CORO7: variants seen among roughly 807,000 people sequenced by gnomAD.
The protein encoded by CORO7 is coronin 7.
CORO7 carries 107 observed loss-of-function variants against 126.6 expected under a neutral mutation model. That is an observed-to-expected ratio of 0.85 (90% CI 0.72 to 0.99). The LOEUF is 0.99. Among genes scored for constraint, CORO7 ranks in the 50% least tolerant of loss-of-function variants. The pLI is 0.00. For synonymous variants in CORO7, 603 were observed against 536.8 expected, an observed-to-expected ratio of 1.12 and a Z score of -1.70; for missense variants, 1,314 against 1,255.8, an observed-to-expected ratio of 1.05 and a Z score of -0.70.
rs1056708731 is a variant in CORO7, at chr16:4,384,192, C to G, written c.785+3794G>C. 2.0e-5 allele frequency among the ~76,000 whole-genome samples: 3 copies of G among 152,202 alleles called. No individual in the cohort carries two copies. In the South Asian group the frequency reaches 6.2e-4, roughly 32 times the overall value. On this transcript the variant is annotated intron_variant, in intron 9 of 27. Coordinates refer to ENST00000251166, the MANE Select transcript of CORO7 (RefSeq NM_024535.5). ...AAGCTGGGGGACAGGAACAAAGGGC[C>G]CAGGTTGGCTTGCAGACGGTGCCAG...
chr16:4,393,412 C>T (rs1288608693), intron 7 of CORO7, among the ~76,000 whole-genome samples: 2 of 152,248 alleles, frequency 1.3e-5, no homozygotes, highest in South Asian at 4.1e-4. Context: ...GTCAGCCAGC[C>T]TCACCAGCAA....
At chr16:4,404,804 C>A (rs1206977456) in intron 6 of CORO7, among the ~76,000 whole-genome samples, 1 of 152,122 alleles carries the variant, frequency 6.6e-6, no homozygotes, top group Non-Finnish European at 1.5e-5. Flanking sequence ...GGCTGCCACG[C>A]ATCCCCCTGT....
At chr16:4,388,668 C>A in intron 7 of CORO7, 37 bp from the exon 8 acceptor site, 1 of 1,592,274 alleles carries the variant, frequency 6.3e-7, no homozygotes, top group Middle Eastern at 1.7e-4. Context: ...GCCCCCAGGG[C>A]CCTGCTGGTG....
intron 27 of CORO7, 39 bp from the exon 28 acceptor site, chr16:4,355,202 G>C: frequency 1.3e-6 from 2 of 1,577,748 alleles, no homozygotes; most frequent in South Asian, 2.3e-5. Flanking sequence ...GAGTCAGGAG[G>C]GCCTGGGAAG....
At chr16:4,394,579 C>G (rs920850871) in intron 7 of CORO7, among the ~76,000 whole-genome samples, 1 of 152,252 alleles carries the variant, frequency 6.6e-6, no homozygotes, top group Non-Finnish European at 1.5e-5. Flanking sequence ...ATGTCTGCCC[C>G]CTTGGCATTA....
chr16:4,383,078 C>T (rs1269731688), intron 9 of CORO7: 2 of 685,634 alleles, frequency 2.9e-6, no homozygotes, highest in African/African-American at 3.8e-5. Flanking sequence ...CTGTGAGATG[C>T]TGTGGCCCAG....
chr16:4,381,580 A>G, intron 9 of CORO7: 3 of 1,604,652 alleles, frequency 1.9e-6, no homozygotes. Flanking sequence ...GCCACCTGTG[A>G]TCCGAGGCCT....
Position 4,359,357 on chromosome 16 carries a change from A to C in CORO7, c.2279T>G (p.Leu760Arg), listed in dbSNP as rs770430395. The C allele has an allele frequency of 6.2e-7, 1 of 1,613,436 alleles. No individual in the cohort carries two copies. The highest frequency in any genetic ancestry group is 1.7e-4 in the Middle Eastern group (1 of 6,058). The part of the protein sequence containing the change: ...KGDTRVFLYE[L>R]LPESPFFLEC... Reference sequence around the variant, plus strand: ...CAGGAAGAAAGGGGACTCGGGGAGCAGCTCGTACAGGAATACACGGGTGTC... The same window carrying C: ...CAGGAAGAAAGGGGACTCGGGGAGCCGCTCGTACAGGAATACACGGGTGTC... The change falls in exon 23 of 28, where the codon CTG becomes CGG. Residue 760 changes from leucine to arginine, a missense_variant. Transcript: ENST00000251166.
chr16:4,400,574 G>A (rs1033979343), intron 6 of CORO7, among the ~76,000 whole-genome samples: 18 of 152,032 alleles, frequency 1.2e-4, no homozygotes, highest in Admixed American at 2.6e-4. Context: ...CAGAGGTTGC[G>A]GTGAGCTGAG....
In CORO7 at chr16:4,354,958, G is replaced by C. The variant is rs981647396; in HGVS notation, c.*200C>G. 2.3e-5 allele frequency: 12 copies of C among 520,782 alleles called. No individual in the cohort carries two copies. Among genetic ancestry groups the C allele is most frequent in the African/African-American group, 3.8e-5 (2 of 52,448 alleles). 32.3% of individuals were successfully genotyped at this position (520,782 alleles called of 1,614,324 possible). A position where few individuals can be genotyped will look rare whatever the true frequency, so the allele number is the denominator to read the frequency against. On this transcript the variant is annotated 3_prime_UTR_variant, in exon 28 of 28. Transcript: ENST00000251166. ...AGCGGGCAGCTGATGAGCAGCAGCT[G>C]ACCCCAGAGACAGCAGAGGTGAAAA...
chr16:4,412,524 C>T (rs1270809480), intron 2 of CORO7, 94 bp from the exon 3 acceptor site: 2 of 1,326,932 alleles, frequency 1.5e-6, no homozygotes, highest in African/African-American at 1.4e-5. Context: ...AGCAGCTCAG[C>T]CTCGGACCTT....
chr16:4,408,148 C>G (rs769078652), intron 4 of CORO7, 33 bp downstream of exon 4: 2 of 1,613,934 alleles, frequency 1.2e-6, no homozygotes, highest in Non-Finnish European at 1.7e-6. Flanking sequence ...CGGGCTGGGA[C>G]ATAGAGCAGC....
chr16:4,361,750 C>G (rs1016370178), intron 16 of CORO7: 2 of 819,464 alleles, frequency 2.4e-6, no homozygotes, highest in South Asian at 2.9e-5. Flanking sequence ...ACCACTTACA[C>G]AGCTGTGTGA....
intron 9 of CORO7, among the ~76,000 whole-genome samples, chr16:4,376,434 G>A (rs752523619): frequency 3.3e-5 from 5 of 152,182 alleles, no homozygotes; most frequent in Non-Finnish European, 7.4e-5. Context: ...GACCTGCAGC[G>A]CCTGTCCTGC....
Position 4,360,270 on chromosome 16 carries a change from G to T in CORO7, c.2108+8C>A. On this transcript the variant is annotated splice_region_variant and intron_variant, in intron 21 of 27. Transcript: ENST00000251166. ...GAAGCCTGGGGATGGGGATGCCTGAGTCCTCACCTGTCAAAGCCAGACACC... is the reference window on the plus strand; with the variant it reads ...GAAGCCTGGGGATGGGGATGCCTGATTCCTCACCTGTCAAAGCCAGACACC... 1 of 1,613,418 alleles carries T rather than the reference G, an allele frequency of 6.2e-7. No individual in the cohort carries two copies. The highest frequency in any genetic ancestry group is 2.2e-5 in the East Asian group (1 of 44,832).
chr16:4,394,679 G>A (rs1339787892), intron 7 of CORO7, among the ~76,000 whole-genome samples: 1 of 152,210 alleles, frequency 6.6e-6, no homozygotes, highest in African/African-American at 2.4e-5. Flanking sequence ...CCTAGCACAG[G>A]CAATGTTTAC....
chr16:4,358,020 G>A lies in CORO7; in HGVS notation c.2541C>T (p.Gly847=), dbSNP rs776114367. The A allele has an allele frequency of 2.2e-5, 35 of 1,613,036 alleles. No individual in the cohort carries two copies. Among genetic ancestry groups the A allele is most frequent in the African/African-American group, 9.3e-5 (7 of 75,034 alleles). The change falls in exon 25 of 28, where the codon GGC becomes GGT. Residue 847 remains glycine (G), a synonymous_variant. Transcript: ENST00000251166. ...TGAGAAGCCAGGGCTGCCCATTAGC[G>A]CCTTGCAGCCAGGCCTCGGCACTGA... ...PVLSAEAWLQ[G]ANGQPWLLSL... is the part of the protein sequence containing the mutation.
chr16:4,387,863 G>C (rs2055246689), intron 9 of CORO7, 123 bp downstream of exon 9: 1 of 1,270,126 alleles, frequency 7.9e-7, no homozygotes, highest in African/African-American at 1.5e-5. Context: ...TTGCAGCCCA[G>C]ATCAGGTACC....
intron 6 of CORO7, among the ~76,000 whole-genome samples, chr16:4,403,046 G>A (rs1178254113): frequency 6.6e-6 from 1 of 152,110 alleles, no homozygotes; most frequent in African/African-American, 2.4e-5. Flanking sequence ...ACACTCTGGT[G>A]GAAAGTCCCA....
Sources: gnomAD v4.1 joint callset for allele counts (sites outside exome capture counted in the v4.1 genomes callset) on GRCh38, gnomAD v4.1.1 for gene constraint, MANE v1.5 for transcripts, NCBI Gene and HGNC (gene_info 2026-07-23, HGNC 2026-07-21) for gene names.